SYTL5: variants seen among roughly 807,000 people sequenced by gnomAD.
The protein encoded by SYTL5 is synaptotagmin-like protein 5.
In SYTL5, 34 loss-of-function variants were observed where a neutral mutation model predicts 55.9. The observed-to-expected ratio is 0.61, with a 90% CI of 0.46 to 0.81. SYTL5 has a LOEUF of 0.81. Among genes scored for constraint, SYTL5 ranks in the 30% least tolerant of loss-of-function variants. SYTL5 has a pLI of 0.00. For missense variants in SYTL5, 637 were observed against 546.7 expected (o/e 1.17, Z -1.65); for synonymous variants, 221 against 188.7 (o/e 1.17, Z -1.40).
chrX:38,063,264 T>C (rs1936005472), intron 3 of SYTL5, among the ~76,000 whole-genome samples: 1 of 111,597 alleles, frequency 9.0e-6, no homozygotes, highest in African/African-American at 3.3e-5. Context: ...AAGATTCATA[T>C]TGGAGTAGTC....
chrX:38,066,678 C>A (rs1936108912), intron 3 of SYTL5, among the ~76,000 whole-genome samples: 1 of 111,493 alleles, frequency 9.0e-6, no homozygotes, highest in African/African-American at 3.3e-5. Flanking sequence ...ACCCCACAAT[C>A]ACAGCCAATC....
intron 3 of SYTL5, among the ~76,000 whole-genome samples, chrX:38,069,643 G>C (rs1027125024): frequency 8.9e-6 from 1 of 111,761 alleles, no homozygotes; most frequent in Non-Finnish European, 1.9e-5. Flanking sequence ...TTCTTCCTTT[G>C]TGTTTAAGGG....
At chrX:38,123,939 C>T (rs781341165) in intron 15 of SYTL5, among the ~76,000 whole-genome samples, 12 of 111,398 alleles carry the variant, frequency 1.1e-4, no homozygotes, top group Non-Finnish European at 2.3e-4. Context: ...AACATTAGGT[C>T]GGTCTGTGAG....
At chrX:37,944,023 C>CT in the SYTL5 span, among the ~76,000 whole-genome samples, 1 of 110,563 alleles carries the variant, frequency 9.0e-6, no homozygotes, top group African/African-American at 3.3e-5. Flanking sequence ...TTTTCTGGAG[C>CT]TTTTTATCAA....
chrX:38,018,800 C>T (rs1269301056), intron 1 of SYTL5, among the ~76,000 whole-genome samples: 1 of 111,578 alleles, frequency 9.0e-6, no homozygotes, highest in Non-Finnish European at 1.9e-5. Flanking sequence ...ATACCACCCA[C>T]ATCGAAGAGG....
chrX:37,929,837 A>G, the SYTL5 span, among the ~76,000 whole-genome samples: 6 of 112,508 alleles, frequency 5.3e-5, no homozygotes, highest in Non-Finnish European at 1.1e-4. Flanking sequence ...CGTGAAAACT[A>G]TAACTGATTT....
At chrX:38,039,702 C>T (rs751141171) in intron 2 of SYTL5, among the ~76,000 whole-genome samples, 26 of 111,643 alleles carry the variant, frequency 2.3e-4, no homozygotes, top group Non-Finnish European at 4.7e-4. Context: ...TACATGAAAA[C>T]ATATCTGCAC....
rs183266678 is a variant in SYTL5, at chrX:38,115,908, G to A, written c.1597-4450G>A. Among the ~76,000 whole-genome samples, 486 of 111,934 alleles carry A rather than the reference G, an allele frequency of 4.3e-3. 1 individual carries two copies. Among genetic ancestry groups the A allele is most frequent in the African/African-American group, 0.015 (466 of 30,816 alleles). On this transcript the variant is annotated intron_variant, in intron 13 of 16. Coordinates refer to ENST00000297875, the MANE Select transcript of SYTL5 (RefSeq NM_138780.3). The stretch of plus-strand genomic sequence containing the variant: ...CTGCAGATTGTCTCTTCACTCTGTC[G>A]ATTGTTTTCTTTGCTCTGCAGAAGT...
At chrX:38,067,212 T>C (rs1936121876) in intron 3 of SYTL5, among the ~76,000 whole-genome samples, 1 of 111,572 alleles carries the variant, frequency 9.0e-6, no homozygotes, top group African/African-American at 3.3e-5. Flanking sequence ...CTAACAATTC[T>C]GGGAAGATCT....
At chrX:38,001,670 A>T (rs1229454383), upstream of SYTL5, among the ~76,000 whole-genome samples, 1 of 111,384 alleles carries the variant, frequency 9.0e-6, no homozygotes, top group Non-Finnish European at 1.9e-5. Flanking sequence ...CATTGTGTAT[A>T]TGTACCACAT....
rs953134955 is a variant in SYTL5 at position 38,013,104 on chromosome X, G to C, written c.-357+6436G>C. ...TGCATTAGCCATGTTCAAGAAGGAA[G>C]AATTTAATTTGCTTTGAACTACTCA... On this transcript the variant is annotated intron_variant, in intron 1 of 16. Coordinates refer to ENST00000297875, the MANE Select transcript of SYTL5 (RefSeq NM_138780.3). Among the ~76,000 whole-genome samples, 4 of 112,296 alleles carry C rather than the reference G, an allele frequency of 3.6e-5. No homozygotes were observed. In the Admixed American group the frequency reaches 3.8e-4, roughly 11 times the overall value.
chrX:38,027,074 T>A (rs777929188), intron 1 of SYTL5, among the ~76,000 whole-genome samples: 3 of 111,891 alleles, frequency 2.7e-5, no homozygotes, highest in East Asian at 5.6e-4. Flanking sequence ...TCTCTTGTAT[T>A]CAGAGTAGAG....
At chrX:38,082,114 A>C (rs750310987) in intron 6 of SYTL5, among the ~76,000 whole-genome samples, 1 of 111,937 alleles carries the variant, frequency 8.9e-6, no homozygotes, top group Non-Finnish European at 1.9e-5. Context: ...CAATAATGTG[A>C]GAAGGTATGG....
chrX:37,937,794 T>C, the SYTL5 span, among the ~76,000 whole-genome samples: 434 of 112,588 alleles, frequency 3.9e-3, 1 homozygote, highest in African/African-American at 0.013. Flanking sequence ...ATGAGTGAGC[T>C]ACACAGATGT....
Position 38,126,681 on chromosome X carries a change from T to C in SYTL5, c.2144T>C (p.Phe715Ser). Residue 715 changes from phenylalanine to serine, a missense_variant, in exon 17 of 17, where the codon TTT becomes TCT. Transcript: ENST00000297875. Reference protein sequence around the residue: ...QKMANNPGTPFEGVLMLRSSM... With the variant: ...QKMANNPGTPSEGVLMLRSSM... ...ATGGCCAACAACCCTGGAACTCCCTTTGAGGGTGTACTCATGCTTCGTTCC... is the reference window on the plus strand; with the variant it reads ...ATGGCCAACAACCCTGGAACTCCCTCTGAGGGTGTACTCATGCTTCGTTCC... The C allele has an allele frequency of 9.9e-6, 12 of 1,210,066 alleles. No homozygotes were observed. Among genetic ancestry groups the C allele is most frequent in the Non-Finnish European group, 1.3e-5 (12 of 894,739 alleles).
At chrX:37,999,223 G>A in the SYTL5 span, among the ~76,000 whole-genome samples, 4,704 of 112,394 alleles carry the variant, frequency 0.042, 252 homozygotes, top group African/African-American at 0.14. Flanking sequence ...CTTTGTAGCC[G>A]TACACTGTTC....
intron 1 of SYTL5, 56 bp from the exon 2 acceptor site, chrX:38,033,478 G>A (rs1174734435): frequency 8.8e-6 from 1 of 113,042 alleles, no homozygotes; most frequent in Non-Finnish European, 1.9e-5. Context: ...CAAGTGCTAT[G>A]GGAAAAATAG....
chrX:38,028,232 A>G (rs965140085), intron 1 of SYTL5, among the ~76,000 whole-genome samples: 2 of 111,967 alleles, frequency 1.8e-5, no homozygotes, highest in Non-Finnish European at 3.8e-5. Flanking sequence ...GAATGTGTAG[A>G]CAAGATATAA....
the SYTL5 span, among the ~76,000 whole-genome samples, chrX:37,973,987 A>G: frequency 1.2e-3 from 133 of 111,858 alleles, no homozygotes; most frequent in African/African-American, 4.1e-3. Flanking sequence ...ACTTATATGT[A>G]GAATCTAAAC....
Sources: gnomAD v4.1 joint callset for allele counts (sites outside exome capture counted in the v4.1 genomes callset) on GRCh38, gnomAD v4.1.1 for gene constraint, MANE v1.5 for transcripts, NCBI Gene and HGNC (gene_info 2026-07-23, HGNC 2026-07-21) for gene names.